CMSS1: variants seen among roughly 807,000 people sequenced by gnomAD.
The protein encoded by CMSS1 is cms1 ribosomal small subunit homolog.
A neutral mutation model predicts 43.5 loss-of-function variants in CMSS1; 33 were observed. The ratio of observed to expected loss-of-function variants is 0.76; its 90% CI spans 0.57 to 1.01. The LOEUF (loss-of-function observed/expected upper bound fraction) is 1.01. Ranked by LOEUF, CMSS1 falls within the 50% of genes least tolerant of loss-of-function variation. The pLI is 0.00. For missense variants in CMSS1, 313 were observed against 326.4 expected (o/e 0.96, Z 0.32); for synonymous variants, 115 against 117.2 (o/e 0.98, Z 0.12).
intron 1 of CMSS1, chr3:99,930,075 C>A: frequency 6.7e-7 from 1 of 1,485,532 alleles, no homozygotes; most frequent in Non-Finnish European, 9.0e-7. Flanking sequence ...TCTCTACCAG[C>A]AGTCTCAGCA....
At chr3:99,944,522 A>C (rs1707949736) in intron 1 of CMSS1, among the ~76,000 whole-genome samples, 1 of 152,212 alleles carries the variant, frequency 6.6e-6, no homozygotes. Context: ...CTTTGTGCAC[A>C]CTAAATCGTT....
chr3:99,825,933 A>C (rs967651333), intron 1 of CMSS1, among the ~76,000 whole-genome samples: 2 of 151,816 alleles, frequency 1.3e-5, no homozygotes, highest in Admixed American at 1.3e-4. Flanking sequence ...GCATGCCACC[A>C]TGCCTGGCTA....
At chr3:100,050,510 T>C (rs147657015) in intron 1 of CMSS1, among the ~76,000 whole-genome samples, 25 of 152,290 alleles carry the variant, frequency 1.6e-4, no homozygotes, top group African/African-American at 5.1e-4. Flanking sequence ...CTCTGTAAAT[T>C]CCCACAATTT....
In CMSS1 at chr3:99,907,223, TTAAC is replaced by T. The variant is rs556126210; in HGVS notation, c.64+89183_64+89186del. ...GATGGAATGGTGTGGAATAGTTATCTTAACTACCTATTACCCTTTTAATTTTCTT... is the reference window on the plus strand; with the variant it reads ...GATGGAATGGTGTGGAATAGTTATCTTACCTATTACCCTTTTAATTTTCTT... On this transcript the variant is annotated intron_variant, in intron 1 of 9. Transcript: ENST00000421999. Among the ~76,000 whole-genome samples, 695 of 152,194 alleles carry T rather than the reference TTAAC, an allele frequency of 4.6e-3. 2 individuals are homozygous for T. Among genetic ancestry groups the T allele is most frequent in the South Asian group, 7.1e-3 (34 of 4,814 alleles).
At chr3:99,990,254 C>T (rs943564351) in intron 1 of CMSS1, among the ~76,000 whole-genome samples, 4 of 152,136 alleles carry the variant, frequency 2.6e-5, no homozygotes, top group African/African-American at 9.7e-5. Flanking sequence ...CAAAGATAGA[C>T]AGAAAGAGAT....
chr3:99,921,525 A>G (rs1038856289), intron 1 of CMSS1, among the ~76,000 whole-genome samples: 4 of 152,194 alleles, frequency 2.6e-5, no homozygotes, highest in Non-Finnish European at 5.9e-5. Context: ...AAGGGAGTTG[A>G]GAATAGGTTT....
At chr3:100,061,830 G>A (rs115067211) in intron 1 of CMSS1, among the ~76,000 whole-genome samples, 1,821 of 152,298 alleles carry the variant, frequency 0.012, 30 homozygotes, top group African/African-American at 0.041. Flanking sequence ...AAGCCAAGAA[G>A]ACTGATTCCA....
intron 1 of CMSS1, among the ~76,000 whole-genome samples, chr3:100,076,434 T>A (rs1206334888): frequency 2.6e-5 from 4 of 152,252 alleles, no homozygotes; most frequent in Non-Finnish European, 5.9e-5. Flanking sequence ...ATTGTCAGCA[T>A]GTGCTGAGCC....
At chr3:99,930,908 T>A in intron 1 of CMSS1, 1 of 1,613,638 alleles carries the variant, frequency 6.2e-7, no homozygotes, top group Admixed American at 1.7e-5. Context: ...GGGGGAGTCT[T>A]TGTCTTGCTG....
intron 1 of CMSS1, among the ~76,000 whole-genome samples, chr3:100,029,514 A>G (rs1393423546): frequency 1.3e-5 from 2 of 152,204 alleles, no homozygotes; most frequent in Non-Finnish European, 2.9e-5. Context: ...AATATAGCCT[A>G]TATATACATA....
At chr3:99,958,224 T>C (rs1347166389) in intron 1 of CMSS1, among the ~76,000 whole-genome samples, 2 of 146,548 alleles carry the variant, frequency 1.4e-5, no homozygotes, top group Non-Finnish European at 3.0e-5. Context: ...TTATTATTAT[T>C]ATTATTATTA....
chr3:100,040,265 A>G (rs78257828), intron 1 of CMSS1: 1 of 152,178 alleles, frequency 6.6e-6, no homozygotes, highest in Non-Finnish European at 1.5e-5. Flanking sequence ...TTATTTGCAT[A>G]TTTCATTTGC....
intron 1 of CMSS1, among the ~76,000 whole-genome samples, chr3:100,122,841 C>T (rs2066632890): frequency 6.6e-6 from 1 of 152,076 alleles, no homozygotes; most frequent in South Asian, 2.1e-4. Flanking sequence ...TAATAGTAAT[C>T]CAGATTTATG....
intron 1 of CMSS1, among the ~76,000 whole-genome samples, chr3:99,940,212 C>G (rs1167677508): frequency 6.6e-6 from 1 of 152,178 alleles, no homozygotes; most frequent in African/African-American, 2.4e-5. Flanking sequence ...TTTTCCAGAT[C>G]TTTGTGGAAT....
chr3:99,930,964 A>G (rs1707463706), intron 1 of CMSS1: 1 of 1,613,382 alleles, frequency 6.2e-7, no homozygotes, highest in South Asian at 1.1e-5. Flanking sequence ...GGCCTTTAGT[A>G]TGTCTTGGAA....
chr3:100,052,697 A>G (rs546070689), intron 1 of CMSS1, among the ~76,000 whole-genome samples: 1 of 152,336 alleles, frequency 6.6e-6, no homozygotes, highest in South Asian at 2.1e-4. Context: ...ATTTTAAGAT[A>G]AGTATATTCT....
At chr3:99,825,775 C>CTTT (rs897686337) in intron 1 of CMSS1, among the ~76,000 whole-genome samples, 13 of 121,580 alleles carry the variant, frequency 1.1e-4, no homozygotes, top group South Asian at 2.7e-4. Context: ...TTTTCTTTTT[C>CTTT]TTTTTTTTTT....
rs767721300 is a variant in CMSS1, at chr3:99,924,333, G to A, written c.64+106290G>A. The A allele has an allele frequency of 1.4e-5, 22 of 1,613,774 alleles. 1 individual carries two copies. The East Asian group carries it at 1.6e-4, about 11-fold the overall frequency. ...TCCAACTCCAATATGGTTTGCCTACGGGATTTTTCTGCCACTAAAAGCTGT... is the reference window on the plus strand; with the variant it reads ...TCCAACTCCAATATGGTTTGCCTACAGGATTTTTCTGCCACTAAAAGCTGT... On this transcript the variant is annotated intron_variant, in intron 1 of 9. Transcript: ENST00000421999.
At chr3:99,923,827 G>A (rs568622837) in intron 1 of CMSS1, among the ~76,000 whole-genome samples, 1 of 152,302 alleles carries the variant, frequency 6.6e-6, no homozygotes, top group African/African-American at 2.4e-5. Context: ...CTACAATCAT[G>A]CCCTATGCTG....
Sources: allele counts gnomAD v4.1 joint callset (sites outside exome capture counted in the v4.1 genomes callset), GRCh38; gene constraint gnomAD v4.1.1; transcripts MANE v1.5; gene names NCBI Gene and HGNC (gene_info 2026-07-23, HGNC 2026-07-21).